Variants in PRKG1 observed in about 807,000 individuals in gnomAD.
PRKG1 encodes protein kinase cGMP-dependent 1, also known as cGMP-dependent protein kinase 1.
A neutral mutation model predicts 88.1 loss-of-function variants in PRKG1; 35 were observed. That is an observed-to-expected ratio of 0.40 (90% CI 0.30 to 0.53). The LOEUF (loss-of-function observed/expected upper bound fraction) is 0.53. Among genes scored for constraint, PRKG1 ranks in the 20% least tolerant of loss-of-function variants. PRKG1 has a pLI of 0.59. For missense variants in PRKG1, 540 were observed against 839.8 expected (o/e 0.64, Z 4.41); for synonymous variants, 303 against 292.5 (o/e 1.04, Z -0.37).
intron 3 of PRKG1, among the ~76,000 whole-genome samples, chr10:51,497,958 T>G (rs1244437576): frequency 6.6e-6 from 1 of 152,138 alleles, no homozygotes; most frequent in East Asian, 1.9e-4. Flanking sequence ...TCTACTAATA[T>G]GTATTAGTAT....
At chr10:51,589,657 T>G (rs1250944204) in intron 3 of PRKG1, among the ~76,000 whole-genome samples, 2 of 152,102 alleles carry the variant, frequency 1.3e-5, no homozygotes, top group Non-Finnish European at 2.9e-5. Context: ...ATGCAATACT[T>G]TATTCTATGT....
chr10:52,194,562 A>G (rs1357893498), intron 9 of PRKG1, among the ~76,000 whole-genome samples: 1 of 152,188 alleles, frequency 6.6e-6, no homozygotes, highest in Non-Finnish European at 1.5e-5. Flanking sequence ...AAGGTAAAAC[A>G]CAGCTAATGT....
intron 3 of PRKG1, among the ~76,000 whole-genome samples, chr10:51,492,061 T>A (rs1172545265): frequency 1.3e-5 from 2 of 152,132 alleles, no homozygotes; most frequent in African/African-American, 4.8e-5. Flanking sequence ...CACTCTCTAA[T>A]CTAAGTCAGG....
intron 1 of PRKG1, among the ~76,000 whole-genome samples, chr10:51,079,704 T>TGTG (rs3060163): frequency 6.7e-6 from 1 of 150,052 alleles, no homozygotes; most frequent in Non-Finnish European, 1.5e-5. Flanking sequence ...TGTGTGTGTG[T>TGTG]TTTACACCAA....
Position 51,511,561 on chromosome 10 carries a change from A to G in PRKG1, c.592+43725A>G, listed in dbSNP as rs562442317. The stretch of plus-strand genomic sequence containing the variant: ...AAATACTCATAAAAAAAGAATATCC[A>G]TATGCTCAGTTAACATATGAAATGT... On this transcript the variant is annotated intron_variant, in intron 3 of 17. Coordinates refer to ENST00000373980, the MANE Select transcript of PRKG1 (RefSeq NM_006258.4). Among the ~76,000 whole-genome samples, 6 of 152,320 alleles carry G rather than the reference A, an allele frequency of 3.9e-5. No homozygotes were observed. In the East Asian group the frequency reaches 1.2e-3, roughly 29 times the overall value.
intron 7 of PRKG1, among the ~76,000 whole-genome samples, chr10:52,093,284 G>GA (rs1847098508): frequency 6.6e-6 from 1 of 152,102 alleles, no homozygotes; most frequent in Non-Finnish European, 1.5e-5. Flanking sequence ...AGATGTTTCT[G>GA]AAATCTTTTT....
chr10:51,380,042 A>G (rs1181079482), intron 2 of PRKG1, among the ~76,000 whole-genome samples: 1 of 152,148 alleles, frequency 6.6e-6, no homozygotes, highest in Non-Finnish European at 1.5e-5. Flanking sequence ...CTTCTCCACC[A>G]TAAGAGGTGT....
intron 3 of PRKG1, among the ~76,000 whole-genome samples, chr10:51,636,334 C>T (rs544386085): frequency 9.2e-5 from 14 of 152,246 alleles, no homozygotes; most frequent in Non-Finnish European, 1.6e-4. Flanking sequence ...CATTGATTCT[C>T]CATAATCAAT....
chr10:51,101,242 T>C (rs944086465), intron 1 of PRKG1, among the ~76,000 whole-genome samples: 3 of 152,168 alleles, frequency 2.0e-5, no homozygotes, highest in African/African-American at 7.2e-5. Context: ...GTCCTTATCA[T>C]AGAAAGACAC....
intron 7 of PRKG1, among the ~76,000 whole-genome samples, chr10:52,121,654 CTT>C (rs1339719554): frequency 6.6e-6 from 1 of 152,310 alleles, no homozygotes; most frequent in East Asian, 1.9e-4. Context: ...TTCTTTGCCA[CTT>C]TATAATAAAG....
chr10:51,561,140 G>GTGGTAGCTGGGTA lies in PRKG1; in HGVS notation c.592+93309_592+93321dup, dbSNP rs1296253665. Among the ~76,000 whole-genome samples the GTGGTAGCTGGGTA allele has an allele frequency of 3.3e-5, 5 of 151,908 alleles. No homozygotes were observed. In the East Asian group the frequency reaches 5.8e-4, roughly 18 times the overall value. ...GAAAAAAAGAAAAAATTAGCTGGGT[G>GTGGTAGCTGGGTA]TGGTAGCTGGGTATGGTGGATACAG... On this transcript the variant is annotated intron_variant, in intron 3 of 17. Coordinates refer to ENST00000373980, the MANE Select transcript of PRKG1 (RefSeq NM_006258.4).
At chr10:52,161,493 A>G (rs1838274792) in intron 8 of PRKG1, among the ~76,000 whole-genome samples, 1 of 152,128 alleles carries the variant, frequency 6.6e-6, no homozygotes, top group Non-Finnish European at 1.5e-5. Flanking sequence ...AAATAACAGT[A>G]CCTGGCATAT....
intron 2 of PRKG1, among the ~76,000 whole-genome samples, chr10:51,310,448 A>G (rs1588822285): frequency 6.6e-6 from 1 of 152,226 alleles, no homozygotes; most frequent in South Asian, 2.1e-4. Context: ...CAAGGTTAAC[A>G]GAAATCATTC....
intron 10 of PRKG1, among the ~76,000 whole-genome samples, chr10:52,259,079 T>C (rs1349357059): frequency 1.3e-5 from 2 of 148,692 alleles, no homozygotes; most frequent in Admixed American, 1.4e-4. Flanking sequence ...AGCTGATCAG[T>C]AGAGTATGAT....
chr10:51,388,437 A>G (rs1434813712), intron 2 of PRKG1, among the ~76,000 whole-genome samples: 1 of 152,110 alleles, frequency 6.6e-6, no homozygotes, highest in Non-Finnish European at 1.5e-5. Flanking sequence ...AATCACTAAG[A>G]TTTCTTTTTA....
At chr10:51,269,755 G>A (rs1403100376) in intron 2 of PRKG1, among the ~76,000 whole-genome samples, 1 of 152,078 alleles carries the variant, frequency 6.6e-6, no homozygotes, top group African/African-American at 2.4e-5. Context: ...ACTACGTGTT[G>A]GGTACAGTAC....
In PRKG1 at chr10:51,698,144, C is replaced by G. The variant is rs774169015; in HGVS notation, c.593-106441C>G. ...ACCCTGAATTCCACCAGTCATAGGGCCTCTTGAACTGGGGACAGGGCCCCT... is the reference window on the plus strand; with the variant it reads ...ACCCTGAATTCCACCAGTCATAGGGGCTCTTGAACTGGGGACAGGGCCCCT... On this transcript the variant is annotated intron_variant, in intron 3 of 17. Transcript: ENST00000373980. 3.7e-6 allele frequency: 6 copies of G among 1,614,142 alleles called. No homozygotes were observed. The East Asian group carries it at 1.1e-4, about 30-fold the overall frequency.
chr10:51,823,557 GCAT>G (rs1053441889), intron 4 of PRKG1, among the ~76,000 whole-genome samples: 34 of 151,782 alleles, frequency 2.2e-4, no homozygotes, highest in African/African-American at 7.8e-4. Context: ...TCTCTTCTCA[GCAT>G]CATCAAGTCC....
At chr10:51,271,582 T>C (rs1839981864) in intron 2 of PRKG1, among the ~76,000 whole-genome samples, 1 of 152,228 alleles carries the variant, frequency 6.6e-6, no homozygotes, top group African/African-American at 2.4e-5. Context: ...GCTTTTACTC[T>C]CACAGAATAT....
Sources: allele counts gnomAD v4.1 joint callset (sites outside exome capture counted in the v4.1 genomes callset), GRCh38; gene constraint gnomAD v4.1.1; transcripts MANE v1.5; gene names NCBI Gene and HGNC (gene_info 2026-07-23, HGNC 2026-07-21).